GRM7: variants seen among roughly 807,000 people sequenced by gnomAD.
The protein encoded by GRM7 is glutamate metabotropic receptor 7.
Under a neutral mutation model 84.5 loss-of-function variants are expected in GRM7, and 35 were observed. The ratio of observed to expected loss-of-function variants is 0.41; its 90% CI spans 0.32 to 0.55. The LOEUF (loss-of-function observed/expected upper bound fraction) is 0.55. Ranked by LOEUF, GRM7 falls within the 20% of genes least tolerant of loss-of-function variation. The pLI is 0.19. For missense variants in GRM7, 1,003 were observed against 1,194.6 expected (o/e 0.84, Z 2.36); for synonymous variants, 487 against 455.1 (o/e 1.07, Z -0.89).
intron 7 of GRM7, among the ~76,000 whole-genome samples, chr3:7,569,308 G>A (rs1694519384): frequency 6.6e-6 from 1 of 152,140 alleles, no homozygotes. Context: ...CTCAGGGTTT[G>A]TGAATGCACC....
chr3:7,290,031 TAAA>T (rs967044652), intron 2 of GRM7, among the ~76,000 whole-genome samples: 2 of 151,948 alleles, frequency 1.3e-5, no homozygotes, highest in South Asian at 4.2e-4. Flanking sequence ...AAAATAAAAA[TAAA>T]AAAAGAAAAG....
At chr3:7,010,812 ACTGT>A (rs1695343946) in intron 1 of GRM7, among the ~76,000 whole-genome samples, 2 of 152,286 alleles carry the variant, frequency 1.3e-5, no homozygotes, top group South Asian at 2.1e-4. Context: ...TTTGTGGGAA[ACTGT>A]CTGGGCAAGA....
At chr3:7,048,353 A>G (rs942209526) in intron 1 of GRM7, among the ~76,000 whole-genome samples, 20 of 151,956 alleles carry the variant, frequency 1.3e-4, no homozygotes, top group African/African-American at 4.6e-4. Flanking sequence ...CTATAATACA[A>G]TGTACACAAA....
At chr3:6,983,541 G>T (rs1387886916) in intron 1 of GRM7, among the ~76,000 whole-genome samples, 1 of 151,332 alleles carries the variant, frequency 6.6e-6, no homozygotes, top group East Asian at 1.9e-4. Flanking sequence ...TTTACTGAGG[G>T]TCTAGTTACT....
chr3:7,339,921 G>A (rs1559249032), intron 4 of GRM7, among the ~76,000 whole-genome samples: 1 of 152,082 alleles, frequency 6.6e-6, no homozygotes, highest in Non-Finnish European at 1.5e-5. Flanking sequence ...GTAATCCACG[G>A]AACAATAAAT....
chr3:6,868,393 A>G (rs1264112529), intron 1 of GRM7, among the ~76,000 whole-genome samples: 1 of 152,188 alleles, frequency 6.6e-6, no homozygotes, highest in African/African-American at 2.4e-5. Flanking sequence ...TTACAGAAAT[A>G]TATGTTTTAT....
In GRM7 at chr3:7,415,017, G is replaced by A. The variant is rs1001133839; in HGVS notation, c.1034-6G>A. 1.9e-6 allele frequency: 3 copies of A among 1,610,232 alleles called. No individual in the cohort carries two copies. The highest frequency in any genetic ancestry group is 1.3e-5 in the African/African-American group (1 of 74,786). ...AGCAATGACCTTTTCATTTAACTCT[G>A]TTTAGGGTTTGATGCCTACTTTACG... On this transcript the variant is annotated splice_region_variant and splice_polypyrimidine_tract_variant and intron_variant, in intron 4 of 9. Coordinates refer to ENST00000357716, the MANE Select transcript of GRM7 (RefSeq NM_000844.4).
At position 6,862,958 on chromosome 3, in the gene GRM7, C is replaced by A; in HGVS notation, c.519+1051C>A. 1 of 455,846 alleles carries A rather than the reference C, an allele frequency of 2.2e-6. No homozygotes were observed. The highest frequency in any genetic ancestry group is 4.4e-6 in the Non-Finnish European group (1 of 226,586). The allele number at this position is 455,846 out of a possible 1,614,324, so 28.2% of individuals were successfully genotyped here. A position where few individuals can be genotyped will look rare whatever the true frequency, so the allele number is the denominator to read the frequency against. On this transcript the variant is annotated intron_variant, in intron 1 of 9. Transcript: ENST00000357716. This position sits in a 1 kb window ranked among gnomAD's most constrained non-coding sequence, Gnocchi z 5.2. ...GTTCTGCCGCAGTGTTCTCTCGCCTCCTGCTCCAGCAGCCTCTGCCCCATG... is the reference window on the plus strand; with the variant it reads ...GTTCTGCCGCAGTGTTCTCTCGCCTACTGCTCCAGCAGCCTCTGCCCCATG...
In GRM7 at chr3:7,277,173, A is replaced by G. The variant is rs60910125; in HGVS notation, c.737-21511A>G. Among the ~76,000 whole-genome samples, 1,138 of 152,142 alleles carry G rather than the reference A, an allele frequency of 7.5e-3. 15 individuals are homozygous for G. The highest frequency in any genetic ancestry group is 0.025 in the African/African-American group (1,043 of 41,534). On this transcript the variant is annotated intron_variant, in intron 2 of 9. Transcript: ENST00000357716. The stretch of plus-strand genomic sequence containing the variant: ...CCCTGGAGTCCAATTTTAACCTCAG[A>G]TTGCTTTCTCACAAAGACTTTATCC...
At chr3:7,184,207 G>T (rs961385226) in intron 2 of GRM7, among the ~76,000 whole-genome samples, 3 of 152,048 alleles carry the variant, frequency 2.0e-5, no homozygotes, top group Non-Finnish European at 2.9e-5. Flanking sequence ...AGCAGAAAAT[G>T]CAGCTTATAT....
intron 2 of GRM7, among the ~76,000 whole-genome samples, chr3:7,271,046 C>G (rs769417817): frequency 6.6e-6 from 1 of 151,952 alleles, no homozygotes; most frequent in Non-Finnish European, 1.5e-5. Context: ...ACTTCTAAGA[C>G]GACACATAAT....
chr3:7,635,008 G>C (rs1216673495), intron 8 of GRM7, among the ~76,000 whole-genome samples: 1 of 152,176 alleles, frequency 6.6e-6, no homozygotes, highest in East Asian at 1.9e-4. Context: ...CTGCCCGATA[G>C]AATTTTCTGT....
chr3:7,254,330 A>G (rs1376856890), intron 2 of GRM7, among the ~76,000 whole-genome samples: 1 of 152,182 alleles, frequency 6.6e-6, no homozygotes, highest in East Asian at 1.9e-4. Context: ...CCTAATCAGG[A>G]AGCAGCATGT....
At chr3:7,479,431 C>T (rs931477232) in intron 7 of GRM7, among the ~76,000 whole-genome samples, 2 of 151,974 alleles carry the variant, frequency 1.3e-5, no homozygotes, top group African/African-American at 2.4e-5. Context: ...CACGTTAGCA[C>T]GTATGCTGAG....
intron 1 of GRM7, among the ~76,000 whole-genome samples, chr3:6,886,170 C>A (rs62235363): frequency 0.11 from 16,048 of 151,864 alleles, 933 homozygotes; most frequent in African/African-American, 0.13. Flanking sequence ...TTTCAAGTAA[C>A]CAGTGCTGTA....
intron 5 of GRM7, among the ~76,000 whole-genome samples, chr3:7,424,569 C>T (rs949947967): frequency 6.6e-6 from 1 of 152,122 alleles, no homozygotes; most frequent in African/African-American, 2.4e-5. Flanking sequence ...TTTGTGACTT[C>T]TCTGAGAGTA....
intron 2 of GRM7, among the ~76,000 whole-genome samples, chr3:7,207,043 A>G (rs1237614057): frequency 6.6e-6 from 1 of 152,242 alleles, no homozygotes; most frequent in African/African-American, 2.4e-5. Context: ...GAAAGCTAGC[A>G]TGAGAAATTA....
At chr3:7,389,690 G>A (rs1464202004) in intron 4 of GRM7, among the ~76,000 whole-genome samples, 1 of 151,016 alleles carries the variant, frequency 6.6e-6, no homozygotes, top group Non-Finnish European at 1.5e-5. Context: ...TACTGTTTTT[G>A]TTTTATATTT....
intron 1 of GRM7, among the ~76,000 whole-genome samples, chr3:7,004,173 T>G (rs1055967787): frequency 1.3e-5 from 2 of 152,204 alleles, no homozygotes; most frequent in Non-Finnish European, 2.9e-5. Context: ...TGATTATACA[T>G]GTAAGCCAAA....
Sources: gnomAD v4.1 joint callset for allele counts (sites outside exome capture counted in the v4.1 genomes callset) on GRCh38, gnomAD v4.1.1 for gene constraint, Gnocchi (gnomAD v3.1) non-coding constraint, MANE v1.5 for transcripts, NCBI Gene and HGNC (gene_info 2026-07-23, HGNC 2026-07-21) for gene names.